Variants in ZCWPW2 observed in about 807,000 individuals in gnomAD.
The protein encoded by ZCWPW2 is zinc finger CW-type PWWP domain protein 2.
ZCWPW2 carries 45 observed loss-of-function variants against 46.6 expected under a neutral mutation model. The observed-to-expected ratio is 0.96, with a 90% confidence interval of 0.76 to 1.24. The LOEUF (loss-of-function observed/expected upper bound fraction) is 1.24. Among genes scored for constraint, ZCWPW2 ranks in the 50% most tolerant of loss-of-function variants. The pLI is 0.00. For missense variants in ZCWPW2, 429 were observed against 403.9 expected, an observed-to-expected ratio of 1.06 and a Z score of -0.53; for synonymous variants, 152 against 137.1, an observed-to-expected ratio of 1.11 and a Z score of -0.76.
At chr3:28,395,492 G>T (rs895214118) in intron 2 of ZCWPW2, among the ~76,000 whole-genome samples, 3 of 152,136 alleles carry the variant, frequency 2.0e-5, no homozygotes, top group African/African-American at 4.8e-5. Flanking sequence ...CATTAGCCAA[G>T]AAGTGGAAAC....
rs888507467 is a variant in ZCWPW2 at position 28,430,942 on chromosome 3, C to T, written c.333-4168C>T. 2.0e-5 allele frequency among the ~76,000 whole-genome samples: 3 copies of T among 152,228 alleles called. No individual in the cohort carries two copies. The East Asian group carries it at 5.8e-4, about 29-fold the overall frequency. ...TTAAATTTCTTTCCTTTATAAATTA[C>T]CCAGTCACAGGCAGTTCTTTATAGC... On this transcript the variant is annotated intron_variant, in intron 3 of 9. Coordinates refer to ENST00000383768, the MANE Select transcript of ZCWPW2 (RefSeq NM_001040432.4).
At chr3:28,493,046 G>C (rs1381574366) in intron 6 of ZCWPW2, among the ~76,000 whole-genome samples, 5 of 96,406 alleles carry the variant, frequency 5.2e-5, no homozygotes, top group African/African-American at 2.3e-4. Context: ...ATCAGGTTTT[G>C]TTTTATCTTT....
At chr3:28,480,632 T>G (rs1486080926) in intron 5 of ZCWPW2, among the ~76,000 whole-genome samples, 1 of 152,162 alleles carries the variant, frequency 6.6e-6, no homozygotes, top group Non-Finnish European at 1.5e-5. Flanking sequence ...GCTTTTGGTG[T>G]CTTCATTGTG....
Position 28,435,213 on chromosome 3 carries a change from C to T in ZCWPW2, c.436C>T (p.His146Tyr). The T allele has an allele frequency of 1.9e-6, 3 of 1,613,328 alleles. No individual in the cohort carries two copies. The highest frequency in any genetic ancestry group is 2.5e-6 in the Non-Finnish European group (3 of 1,179,904). The change falls in exon 4 of 10, where the codon CAT (histidine) becomes TAT (tyrosine). Residue 146 changes from histidine to tyrosine, a missense_variant. Physicochemically the swap from His to Tyr is moderately conservative, Grantham distance 83. Transcript: ENST00000383768. Reference sequence around the variant, plus strand: ...TCACATAGAATTCCTGGGCGATCCCCATTCAAGATCATGGATAAAGGCAAC... The same window carrying T: ...TCACATAGAATTCCTGGGCGATCCCTATTCAAGATCATGGATAAAGGCAAC... Reference protein sequence around the residue: ...EYHIEFLGDPHSRSWIKATFV... With the variant: ...EYHIEFLGDPYSRSWIKATFV...
intron 5 of ZCWPW2, among the ~76,000 whole-genome samples, chr3:28,480,509 G>A (rs987601699): frequency 5.3e-5 from 8 of 151,114 alleles, no homozygotes; most frequent in African/African-American, 1.9e-4. Flanking sequence ...TGCATAGATT[G>A]CAAAAATTTT....
chr3:28,433,491 G>A (rs967169840), intron 3 of ZCWPW2, among the ~76,000 whole-genome samples: 5 of 152,154 alleles, frequency 3.3e-5, no homozygotes, highest in Non-Finnish European at 7.4e-5. Context: ...AACAGGCTGG[G>A]TGCAGTGGCT....
chr3:28,451,271 T>A (rs1698214580), intron 4 of ZCWPW2, among the ~76,000 whole-genome samples: 1 of 152,214 alleles, frequency 6.6e-6, no homozygotes, highest in Admixed American at 6.5e-5. Flanking sequence ...CAGCCATCCC[T>A]TGAAGGTAGA....
chr3:28,368,137 C>G (rs565407172), intron 1 of ZCWPW2, among the ~76,000 whole-genome samples: 5 of 152,212 alleles, frequency 3.3e-5, no homozygotes, highest in Admixed American at 2.0e-4. Context: ...AGCATTTAGT[C>G]CATTTACATT....
At chr3:28,435,309 T>C in intron 4 of ZCWPW2, 40 bp downstream of exon 4, 1 of 1,541,422 alleles carries the variant, frequency 6.5e-7, no homozygotes. Context: ...TTCTTGCACT[T>C]ATTTTTAGTT....
chr3:28,522,056 T>C (rs888384574), intron 9 of ZCWPW2, among the ~76,000 whole-genome samples: 2 of 152,046 alleles, frequency 1.3e-5, no homozygotes, highest in African/African-American at 4.8e-5. Context: ...TAGGTGGGAA[T>C]TGAACAATGA....
At chr3:28,416,995 T>C (rs1696601835) in intron 3 of ZCWPW2, among the ~76,000 whole-genome samples, 1 of 151,060 alleles carries the variant, frequency 6.6e-6, no homozygotes, top group African/African-American at 2.4e-5. Context: ...GTTGTGTCTC[T>C]GTCAGGCTTT....
rs1399079719 is a variant in ZCWPW2, at chr3:28,492,281, T to C, written c.657+108T>C. The C allele has an allele frequency of 7.0e-6, 7 of 996,588 alleles. No homozygotes were observed. The African/African-American group carries it at 1.2e-4, about 17-fold the overall frequency. 61.7% of individuals were successfully genotyped at this position (996,588 alleles called of 1,614,324 possible). On this transcript the variant is annotated intron_variant, in intron 6 of 9. Transcript: ENST00000383768. ...AAAACAAACAATGACATACAATCCA[T>C]TTTTTCTTCTGAATGTTACTTTAGT... is the stretch of plus-strand genomic sequence containing the variant.
chr3:28,507,499 T>C (rs781051007), intron 6 of ZCWPW2, among the ~76,000 whole-genome samples: 1 of 152,088 alleles, frequency 6.6e-6, no homozygotes, highest in Non-Finnish European at 1.5e-5. Flanking sequence ...TTCTTTTTTT[T>C]TTTTTGAGAT....
chr3:28,376,902 G>T (rs1295389491), intron 1 of ZCWPW2, among the ~76,000 whole-genome samples: 1 of 152,012 alleles, frequency 6.6e-6, no homozygotes, highest in Non-Finnish European at 1.5e-5. Context: ...TGGACAATTT[G>T]CTTTCTTTAT....
chr3:28,364,758 G>A lies in ZCWPW2; in HGVS notation c.-134+15555G>A, dbSNP rs140683330. Reference sequence around the variant, plus strand: ...TGCTGCACCCACTGACTTCCACAACGGTTGAACTAGTTTATATTCCCACTA... The same window carrying A: ...TGCTGCACCCACTGACTTCCACAACAGTTGAACTAGTTTATATTCCCACTA... On this transcript the variant is annotated intron_variant, in intron 1 of 9. Transcript: ENST00000383768. Among the ~76,000 whole-genome samples the A allele has an allele frequency of 4.3e-3, 645 of 151,378 alleles. 11 individuals are homozygous for A. The highest frequency in any genetic ancestry group is 0.015 in the African/African-American group (621 of 40,978).
intron 2 of ZCWPW2, among the ~76,000 whole-genome samples, chr3:28,407,222 C>T (rs572373570): frequency 1.3e-5 from 2 of 152,162 alleles, no homozygotes; most frequent in Non-Finnish European, 2.9e-5. Flanking sequence ...TCCCTGCATC[C>T]TTCATGGAGC....
chr3:28,488,985 C>T (rs1006603974), intron 5 of ZCWPW2, among the ~76,000 whole-genome samples: 3 of 152,112 alleles, frequency 2.0e-5, no homozygotes, highest in African/African-American at 7.2e-5. Flanking sequence ...TTTCCTTTGG[C>T]ATTTGAAAAT....
rs754253142 is a variant in ZCWPW2 at position 28,413,411 on chromosome 3, T to C, written c.332+11T>C. The C allele has an allele frequency of 6.3e-7, 1 of 1,586,094 alleles. No homozygotes were observed. The highest frequency in any genetic ancestry group is 2.3e-5 in the East Asian group (1 of 44,420). Reference sequence around the variant, plus strand: ...ACAGAATTGGCCAAGGTAAGGTTTGTGTAGTTTTATGACTTTTGAAATGTA... The same window carrying C: ...ACAGAATTGGCCAAGGTAAGGTTTGCGTAGTTTTATGACTTTTGAAATGTA... On this transcript the variant is annotated intron_variant, in intron 3 of 9. Coordinates refer to ENST00000383768, the MANE Select transcript of ZCWPW2 (RefSeq NM_001040432.4).
intron 1 of ZCWPW2, among the ~76,000 whole-genome samples, chr3:28,370,101 T>G (rs2125701055): frequency 6.6e-6 from 1 of 152,344 alleles, no homozygotes; most frequent in African/African-American, 2.4e-5. Context: ...CCCCTTGAGC[T>G]TCCTGGGTGA....
Sources: allele counts gnomAD v4.1 joint callset (sites outside exome capture counted in the v4.1 genomes callset), GRCh38; gene constraint gnomAD v4.1.1; transcripts MANE v1.5; gene names NCBI Gene and HGNC (gene_info 2026-07-23, HGNC 2026-07-21).